The following LRIF1 variants were observed in gnomAD, a reference collection of about 807,000 sequenced individuals.
LRIF1 encodes the protein ligand dependent nuclear receptor interacting factor 1.
Under a neutral mutation model 52.7 loss-of-function variants are expected in LRIF1, and 32 were observed. The ratio of observed to expected loss-of-function variants is 0.61; its 90% CI spans 0.46 to 0.82. The LOEUF is 0.82. Among genes scored for constraint, LRIF1 ranks in the 40% least tolerant of loss-of-function variants. The probability of loss-of-function intolerance (pLI) is 0.00; values close to 1 mark genes in which losing one functional copy is unlikely to be tolerated. For missense variants in LRIF1, 887 were observed against 892.0 expected, an observed-to-expected ratio of 0.99 and a Z score of 0.07; for synonymous variants, 323 against 317.4, an observed-to-expected ratio of 1.02 and a Z score of -0.19.
At chr1:110,893,765 G>T in the LRIF1 span, among the ~76,000 whole-genome samples, 1 of 152,230 alleles carries the variant, frequency 6.6e-6, no homozygotes, top group Non-Finnish European at 1.5e-5. Flanking sequence ...CAAAATTAAT[G>T]TTGGGGTAAA....
At chr1:110,953,640 C>T (rs1658573091) in intron 1 of LRIF1, among the ~76,000 whole-genome samples, 1 of 152,114 alleles carries the variant, frequency 6.6e-6, no homozygotes. Context: ...TCAATATATA[C>T]TAATCTCTGT....
intron 1 of LRIF1, among the ~76,000 whole-genome samples, chr1:110,959,033 A>G (rs186846381): frequency 1.3e-5 from 2 of 152,302 alleles, no homozygotes; most frequent in African/African-American, 4.8e-5. Context: ...AAGTCCTACA[A>G]AGATTCTGTT....
the LRIF1 span, among the ~76,000 whole-genome samples, chr1:110,884,829 C>A: frequency 7.8e-6 from 1 of 128,886 alleles, no homozygotes; most frequent in Non-Finnish European, 1.6e-5. Context: ...AAAATGTATT[C>A]GCTTCTTTAT....
the LRIF1 span, among the ~76,000 whole-genome samples, chr1:110,920,589 T>C: frequency 6.6e-6 from 1 of 152,160 alleles, no homozygotes; most frequent in East Asian, 1.9e-4. Context: ...AGATTATTTC[T>C]TATAATACTA....
At chr1:110,896,593 C>T in the LRIF1 span, 52 of 1,518,130 alleles carry the variant, frequency 3.4e-5, 1 homozygote, top group Admixed American at 9.1e-4. Context: ...CTCTAAGGTC[C>T]ACAGCTTTTT....
the LRIF1 span, among the ~76,000 whole-genome samples, chr1:110,889,035 G>C: frequency 2.6e-5 from 4 of 152,158 alleles, no homozygotes; most frequent in African/African-American, 4.8e-5. Flanking sequence ...GATGTAGCTT[G>C]TGCAAAGGGC....
the LRIF1 span, among the ~76,000 whole-genome samples, chr1:110,877,042 C>T: frequency 6.6e-6 from 1 of 152,156 alleles, no homozygotes; most frequent in Non-Finnish European, 1.5e-5. Context: ...ATATAATTAA[C>T]AATCTATGTA....
chr1:110,936,854 T>C, the LRIF1 span: 1 of 151,984 alleles, frequency 6.6e-6, no homozygotes, highest in Admixed American at 6.5e-5. Flanking sequence ...AATTCAACTA[T>C]AAAGACACAT....
chr1:110,887,058 G>GTTTATTTTAT, the LRIF1 span, among the ~76,000 whole-genome samples: 122 of 146,770 alleles, frequency 8.3e-4, no homozygotes, highest in South Asian at 3.0e-3. Flanking sequence ...CTCTATTTAT[G>GTTTATTTTAT]TTTATTTTAT....
At chr1:110,903,883 C>T in the LRIF1 span, among the ~76,000 whole-genome samples, 2 of 152,196 alleles carry the variant, frequency 1.3e-5, no homozygotes, top group African/African-American at 4.8e-5. Flanking sequence ...TGCCCTGGGC[C>T]AGAAGGGAGC....
the LRIF1 span, among the ~76,000 whole-genome samples, chr1:110,920,055 T>A: frequency 1.3e-5 from 2 of 152,144 alleles, no homozygotes; most frequent in Non-Finnish European, 2.9e-5. Context: ...ATCAAATGCT[T>A]GGAGGATGTG....
In LRIF1 at chr1:110,949,933, C is replaced by A; in HGVS notation, c.1787G>T (p.Gly596Val). 6.2e-7 allele frequency: 1 copy of A among 1,614,088 alleles called. No homozygotes were observed. The highest frequency in any genetic ancestry group is 1.3e-5 in the African/African-American group (1 of 75,028). ...TACCAAACTGCTAAAGGAATCGAAA[C>A]CTTCTCCAGAGGTCAAATGGTCAGG... Reference protein sequence around the residue: ...RIPDHLTSGEGFDSFSSLVKS... With the variant: ...RIPDHLTSGEVFDSFSSLVKS... Residue 596 changes from glycine to valine, a missense_variant, in exon 3 of 4, where the codon GGT becomes GTT. Transcript: ENST00000369763.
chr1:110,952,670 T>C lies in LRIF1; in HGVS notation c.214A>G (p.Thr72Ala), dbSNP rs757582970. 6 of 1,614,154 alleles carry C rather than the reference T, an allele frequency of 3.7e-6. No homozygotes were observed. Among genetic ancestry groups the C allele is most frequent in the South Asian group, 1.1e-5 (1 of 91,080 alleles). The change falls in exon 2 of 4, where the codon ACA (threonine) becomes GCA (alanine). Residue 72 changes from threonine (T) to alanine (A), a missense_variant. Coordinates refer to ENST00000369763, the MANE Select transcript of LRIF1 (RefSeq NM_018372.4). The part of the protein sequence containing the change: ...SVMSDALKGN[T>A]GKPVQVTFQT... ...AAAGTAACTTGAACTGGTTTTCCTGTATTCCCTTTCAAAGCATCAGACATG... is the reference window on the plus strand; with the variant it reads ...AAAGTAACTTGAACTGGTTTTCCTGCATTCCCTTTCAAAGCATCAGACATG...
At chr1:110,948,714 T>C (rs1570938447) in intron 3 of LRIF1, among the ~76,000 whole-genome samples, 1 of 152,238 alleles carries the variant, frequency 6.6e-6, no homozygotes, top group Non-Finnish European at 1.5e-5. Context: ...ATTGTTTTTT[T>C]CTTTTCCTTT....
the LRIF1 span, among the ~76,000 whole-genome samples, chr1:110,886,104 T>C: frequency 6.6e-6 from 1 of 152,180 alleles, no homozygotes; most frequent in East Asian, 1.9e-4. Context: ...TTTAAGTTAT[T>C]AAAATGTATT....
chr1:110,952,231 G>A lies in LRIF1; in HGVS notation c.653C>T (p.Ser218Leu), dbSNP rs1658511386. 6.2e-7 allele frequency: 1 copy of A among 1,614,188 alleles called. No individual in the cohort carries two copies. The highest frequency in any genetic ancestry group is 8.5e-7 in the Non-Finnish European group (1 of 1,180,032). Reference sequence around the variant, plus strand: ...CATTTGGGAGGCCTCAACCATTCCTGAGGTACTGGTGGTGGCAGTTGCAAG... The same window carrying A: ...CATTTGGGAGGCCTCAACCATTCCTAAGGTACTGGTGGTGGCAGTTGCAAG... ...KILATATTST[S>L]GMVEASQMPT... Residue 218 changes from serine to leucine, a missense_variant, in exon 2 of 4, where the codon TCA (serine) becomes TTA (leucine). Transcript: ENST00000369763.
chr1:110,960,139 G>A (rs1658887911), intron 1 of LRIF1, among the ~76,000 whole-genome samples: 1 of 152,054 alleles, frequency 6.6e-6, no homozygotes, highest in Non-Finnish European at 1.5e-5. Flanking sequence ...TTATACTTGA[G>A]AAAATGGAGA....
chr1:110,938,889 C>T, the LRIF1 span: 1 of 152,034 alleles, frequency 6.6e-6, no homozygotes, highest in Non-Finnish European at 1.5e-5. Context: ...CATAAAAAAT[C>T]AACATCAGTA....
the LRIF1 span, chr1:110,937,054 A>G: frequency 1.3e-5 from 2 of 152,144 alleles, no homozygotes; most frequent in African/African-American, 2.4e-5. Context: ...TTAAATATGC[A>G]TGCCTTGAGC....
Sources: allele counts gnomAD v4.1 joint callset (sites outside exome capture counted in the v4.1 genomes callset), GRCh38; gene constraint gnomAD v4.1.1; transcripts MANE v1.5; gene names NCBI Gene and HGNC (gene_info 2026-07-23, HGNC 2026-07-21).